Variants in SNRPB2 observed in about 807,000 individuals in gnomAD.
SNRPB2 encodes the protein small nuclear ribonucleoprotein polypeptide B2, also known as U2 small nuclear ribonucleoprotein B''.
A neutral mutation model predicts 26.3 loss-of-function variants in SNRPB2; 16 were observed. That is an observed-to-expected ratio of 0.61 (90% CI 0.41 to 0.92). SNRPB2 has a LOEUF of 0.92. SNRPB2 is among the 40% of genes least tolerant of loss of function. The probability of loss-of-function intolerance (pLI) is 0.00; values close to 1 mark genes in which losing one functional copy is unlikely to be tolerated. For synonymous variants in SNRPB2, 75 were observed against 89.0 expected, an observed-to-expected ratio of 0.84 and a Z score of 0.88; for missense variants, 179 against 268.1, an observed-to-expected ratio of 0.67 and a Z score of 2.32.
rs139189625 is a variant in SNRPB2, at chr20:16,734,865, T to C, written c.238-2396T>C. On this transcript the variant is annotated intron_variant, in intron 3 of 6. Transcript: ENST00000246071. ...TGACTAGGTCATAAGGACAGACAAATCAGGTCACCGAAGATCTATTCAGGT... is the reference window on the plus strand; with the variant it reads ...TGACTAGGTCATAAGGACAGACAAACCAGGTCACCGAAGATCTATTCAGGT... Among the ~76,000 whole-genome samples the C allele has an allele frequency of 4.4e-3, 675 of 152,272 alleles. 5 individuals are homozygous for C. The highest frequency in any genetic ancestry group is 0.024 in the Middle Eastern group (7 of 294).
At position 16,737,308 on chromosome 20, in the gene SNRPB2, TG is replaced by T; in HGVS notation, c.287del (p.Gly96GlufsTer70). The stretch of plus-strand genomic sequence containing the variant: ...ATTCGGATATAATATCAAAAATGCG[TG>T]GAACTTTTGCTGACAAAGAAAAGAA... ...TDSDIISKMRGTFADKEKKKE... is the reference protein window; with the variant it reads ...TDSDIISKMRXTFADKEKKKE... On this transcript the variant is annotated frameshift_variant, in exon 4 of 7. Transcript: ENST00000246071. LOFTEE classifies it high-confidence loss of function. 6.2e-7 allele frequency: 1 copy of T among 1,605,590 alleles called. No homozygotes were observed. Among genetic ancestry groups the T allele is most frequent in the Non-Finnish European group, 8.5e-7 (1 of 1,177,354 alleles).
intron 5 of SNRPB2, 90 bp from the exon 6 acceptor site, chr20:16,740,235 T>G (rs1185848192): frequency 1.3e-6 from 2 of 1,559,432 alleles, no homozygotes; most frequent in Non-Finnish European, 8.7e-7. Flanking sequence ...GTTTTTCAGC[T>G]TTATTGTTTG....
Position 16,740,350 on chromosome 20 carries a change from T to C in SNRPB2, c.455T>C (p.Ile152Thr), listed in dbSNP as rs1335427089. ...GTCCCTGATTACCCTCCAAACTATATTTTATTCCTTAATAACTTACCAGAA... is the reference window on the plus strand; with the variant it reads ...GTCCCTGATTACCCTCCAAACTATACTTTATTCCTTAATAACTTACCAGAA... ...PQVPDYPPNY[I>T]LFLNNLPEET... The change falls in exon 6 of 7, where the codon ATT becomes ACT. Residue 152 changes from isoleucine (I) to threonine (T), a missense_variant. Around this residue, in one of 2 missense-constraint regions of SNRPB2, gnomAD observed 145 missense variants for 180.7 expected, o/e 0.80. Coordinates refer to ENST00000246071, the MANE Select transcript of SNRPB2 (RefSeq NM_003092.5). The C allele has an allele frequency of 6.2e-7, 1 of 1,611,678 alleles. No homozygotes were observed.
intron 3 of SNRPB2, among the ~76,000 whole-genome samples, chr20:16,734,664 C>T (rs1431379614): frequency 1.3e-5 from 2 of 152,052 alleles, no homozygotes; most frequent in African/African-American, 4.8e-5. Context: ...TTGTTCATTA[C>T]CCCGTGTTTA....
At position 16,742,051 on chromosome 20, in the gene SNRPB2, T is replaced by C. The variant is rs2072466174; in HGVS notation, c.*1046T>C. ...ACTTGGAATTTTTATTGTCTACTTA[T>C]GGAAAGACTTTTAGACTTACGTAGA... On this transcript the variant is annotated 3_prime_UTR_variant, in exon 7 of 7. Transcript: ENST00000246071. The C allele has an allele frequency of 6.8e-6, 1 of 146,402 alleles. No individual in the cohort carries two copies. Among genetic ancestry groups the C allele is most frequent in the African/African-American group, 2.6e-5 (1 of 37,788 alleles). The allele number at this position is 146,402 out of a possible 1,614,324, so 9.1% of individuals were successfully genotyped here.
chr20:16,737,171 T>C, intron 3 of SNRPB2, 90 bp from the exon 4 acceptor site: 1 of 998,060 alleles, frequency 1.0e-6, no homozygotes, highest in Non-Finnish European at 1.4e-6. Context: ...TAGCTTGTAG[T>C]GTATTTGCGT....
chr20:16,730,726 A>G (rs886953659), intron 1 of SNRPB2: 3 of 152,248 alleles, frequency 2.0e-5, no homozygotes, highest in Admixed American at 6.5e-5. Context: ...ACTGTGAGAT[A>G]AAGGAATATG....
At chr20:16,736,930 T>G (rs2072429828) in intron 3 of SNRPB2, among the ~76,000 whole-genome samples, 1 of 152,214 alleles carries the variant, frequency 6.6e-6, no homozygotes. Context: ...GCCCACTCAT[T>G]TGTTCCTTTA....
rs1161350290 is a variant in SNRPB2, at chr20:16,741,056, T to C, written c.*51T>C. 1 of 1,359,370 alleles carries C rather than the reference T, an allele frequency of 7.4e-7. No homozygotes were observed. Among genetic ancestry groups the C allele is most frequent in the African/African-American group, 1.4e-5 (1 of 69,256 alleles). The allele number at this position is 1,359,370 out of a possible 1,614,324, so 84.2% of individuals were successfully genotyped here. The stretch of plus-strand genomic sequence containing the variant: ...ACTTGGTGTTATTTACAGTGTTTGT[T>C]TTGATAACATTTGGCTGGGTCATTT... On this transcript the variant is annotated 3_prime_UTR_variant, in exon 7 of 7. Coordinates refer to ENST00000246071, the MANE Select transcript of SNRPB2 (RefSeq NM_003092.5).
At position 16,730,633 on chromosome 20, in the gene SNRPB2, C is replaced by T. The variant is rs1191295299; in HGVS notation, c.-36+469C>T. 2.0e-5 allele frequency: 3 copies of T among 152,248 alleles called. No homozygotes were observed. The East Asian group carries it at 5.8e-4, about 29-fold the overall frequency. The allele number at this position is 152,248 out of a possible 1,614,324, so 9.4% of individuals were successfully genotyped here. A position where few individuals can be genotyped will look rare whatever the true frequency, so the allele number is the denominator to read the frequency against. On this transcript the variant is annotated intron_variant, in intron 1 of 6. Coordinates refer to ENST00000246071, the MANE Select transcript of SNRPB2 (RefSeq NM_003092.5). The stretch of plus-strand genomic sequence containing the variant: ...AGAAGCGTTACGTTTTACCTGTTAC[C>T]TGCACAAGTGCAGCCCCTGCTTGTA...
chr20:16,732,175 T>A lies in SNRPB2; in HGVS notation c.76T>A (p.Ser26Thr), dbSNP rs748490519. The part of the protein sequence containing the change: ...DKIKKEELKR[S>T]LYALFSQFGH... ...TCTAATTTGGACAGAATTGAAGAGATCCCTATATGCCCTGTTTTCTCAGTT... is the reference window on the plus strand; with the variant it reads ...TCTAATTTGGACAGAATTGAAGAGAACCCTATATGCCCTGTTTTCTCAGTT... The change falls in exon 3 of 7, where the codon TCC becomes ACC. Residue 26 changes from serine to threonine, a missense_variant. Around this residue, in one of 2 missense-constraint regions of SNRPB2, gnomAD observed 145 missense variants for 180.7 expected, o/e 0.80. Coordinates refer to ENST00000246071, the MANE Select transcript of SNRPB2 (RefSeq NM_003092.5). 5 of 1,588,050 alleles carry A rather than the reference T, an allele frequency of 3.1e-6. No homozygotes were observed. The highest frequency in any genetic ancestry group is 3.4e-6 in the Non-Finnish European group (4 of 1,165,554).
chr20:16,742,460 C>T lies in SNRPB2; in HGVS notation c.*1455C>T, dbSNP rs926978886. The T allele has an allele frequency of 2.0e-5, 3 of 151,314 alleles. No homozygotes were observed. 9.4% of individuals were successfully genotyped at this position (151,314 alleles called of 1,614,324 possible). On this transcript the variant is annotated 3_prime_UTR_variant, in exon 7 of 7. Transcript: ENST00000246071. The stretch of plus-strand genomic sequence containing the variant: ...TAAGAGGGGTCGTGTAGGTCTTCTT[C>T]AGGATTTGCTTATACTCTGAGTGAA...
chr20:16,733,363 C>T (rs1167789651), intron 3 of SNRPB2, among the ~76,000 whole-genome samples: 1 of 152,206 alleles, frequency 6.6e-6, no homozygotes, highest in Non-Finnish European at 1.5e-5. Flanking sequence ...TTCATGTAGG[C>T]CATGCTAATG....
At chr20:16,738,251 G>A (rs1003193211) in intron 4 of SNRPB2, among the ~76,000 whole-genome samples, 3 of 151,518 alleles carry the variant, frequency 2.0e-5, no homozygotes, top group African/African-American at 7.3e-5. Flanking sequence ...GACCAGCCTG[G>A]CCAACATGGT....
intron 3 of SNRPB2, among the ~76,000 whole-genome samples, chr20:16,735,960 AGTCAC>A (rs1376845386): frequency 6.6e-6 from 1 of 152,194 alleles, no homozygotes; most frequent in Non-Finnish European, 1.5e-5. Context: ...TTCTATTGAG[AGTCAC>A]TGGTAAGGGG....
intron 3 of SNRPB2, 103 bp downstream of exon 3, chr20:16,732,439 T>A: frequency 1.5e-6 from 1 of 665,788 alleles, no homozygotes; most frequent in East Asian, 2.8e-5. Flanking sequence ...CTTTCTGCTT[T>A]TAATTATGTG....
intron 3 of SNRPB2, among the ~76,000 whole-genome samples, chr20:16,733,070 G>A (rs543729922): frequency 2.6e-5 from 4 of 152,152 alleles, no homozygotes; most frequent in Non-Finnish European, 5.9e-5. Flanking sequence ...TTTTTTCTGC[G>A]ATTAGAATGT....
chr20:16,736,168 A>G (rs930381151), intron 3 of SNRPB2, among the ~76,000 whole-genome samples: 1 of 152,250 alleles, frequency 6.6e-6, no homozygotes, highest in African/African-American at 2.4e-5. Context: ...GTTAAAAGCA[A>G]CGGCATAGAT....
In SNRPB2 at chr20:16,737,303, A is replaced by T; in HGVS notation, c.280A>T (p.Met94Leu). Residue 94 changes from methionine to leucine, a missense_variant, in exon 4 of 7, where the codon ATG becomes TTG. Transcript: ENST00000246071. ...AKTDSDIISK[M>L]RGTFADKEKK... ...AACAGATTCGGATATAATATCAAAA[A>T]TGCGTGGAACTTTTGCTGACAAAGA... 6.2e-7 allele frequency: 1 copy of T among 1,605,326 alleles called. No individual in the cohort carries two copies.
Sources: gnomAD v4.1 joint callset for allele counts (sites outside exome capture counted in the v4.1 genomes callset) on GRCh38, gnomAD v4.1.1 for gene constraint, gnomAD v4.1.1 regional missense constraint, MANE v1.5 for transcripts, NCBI Gene and HGNC (gene_info 2026-07-23, HGNC 2026-07-21) for gene names.